The following TMEM132D variants were observed in gnomAD, a reference collection of about 807,000 sequenced individuals.
TMEM132D encodes the protein mature OL transmembrane protein.
TMEM132D carries 21 observed loss-of-function variants against 62.3 expected under a neutral mutation model. That is an observed-to-expected ratio of 0.34 (90% CI 0.24 to 0.49). The LOEUF (loss-of-function observed/expected upper bound fraction) is 0.49. Among genes scored for constraint, TMEM132D ranks in the 20% least tolerant of loss-of-function variants. The probability of loss-of-function intolerance (pLI) is 0.99; values close to 1 mark genes in which losing one functional copy is unlikely to be tolerated. For missense variants in TMEM132D, 1,346 were observed against 1,402.8 expected, an observed-to-expected ratio of 0.96 and a Z score of 0.65; for synonymous variants, 621 against 575.6, an observed-to-expected ratio of 1.08 and a Z score of -1.13.
intron 3 of TMEM132D, among the ~76,000 whole-genome samples, chr12:129,387,522 A>G (rs963079165): frequency 1.3e-5 from 2 of 152,162 alleles, no homozygotes; most frequent in African/African-American, 4.8e-5. Context: ...CAATAACACT[A>G]ACACCAACAC....
intron 4 of TMEM132D, among the ~76,000 whole-genome samples, chr12:129,301,580 C>A (rs892162537): frequency 2.0e-5 from 3 of 152,164 alleles, no homozygotes; most frequent in South Asian, 4.1e-4. Flanking sequence ...GAATATGAGG[C>A]CTTCAGTTTC....
At chr12:129,117,680 T>C (rs556591179) in intron 5 of TMEM132D, among the ~76,000 whole-genome samples, 2 of 152,260 alleles carry the variant, frequency 1.3e-5, no homozygotes, top group South Asian at 4.1e-4. Context: ...AAAAAGACCA[T>C]TTGGCTCTGA....
chr12:129,715,259 G>C (rs1372916079), intron 1 of TMEM132D, among the ~76,000 whole-genome samples: 1 of 152,092 alleles, frequency 6.6e-6, no homozygotes, highest in African/African-American at 2.4e-5. Flanking sequence ...AGCAGGAGGA[G>C]AGAGAAGGGA....
At chr12:129,675,532 A>G (rs1268007272) in intron 2 of TMEM132D, among the ~76,000 whole-genome samples, 1 of 152,212 alleles carries the variant, frequency 6.6e-6, no homozygotes, top group Non-Finnish European at 1.5e-5. Flanking sequence ...CCAGAACTTA[A>G]AATTAAAAAC....
intron 2 of TMEM132D, among the ~76,000 whole-genome samples, chr12:129,542,916 G>A (rs1876622630): frequency 6.6e-6 from 1 of 151,908 alleles, no homozygotes; most frequent in Non-Finnish European, 1.5e-5. Context: ...GGCACATGCT[G>A]TATAGGTTTG....
chr12:129,528,257 A>T lies in TMEM132D; in HGVS notation c.1115+2802T>A, dbSNP rs184258252. On this transcript the variant is annotated intron_variant, in intron 3 of 8. Transcript: ENST00000422113. ...AAACACATCTCATCGCAGTCCATTC[A>T]CTATCTGTAATCACGGAGCATGATT... Among the ~76,000 whole-genome samples, 141 of 152,290 alleles carry T rather than the reference A, an allele frequency of 9.3e-4. 3 individuals carry two copies. The highest frequency in any genetic ancestry group is 3.2e-3 in the African/African-American group (135 of 41,566).
intron 3 of TMEM132D, among the ~76,000 whole-genome samples, chr12:129,432,605 G>A (rs779248313): frequency 4.6e-5 from 7 of 152,286 alleles, no homozygotes; most frequent in South Asian, 2.1e-4. Context: ...CATCTTTGGC[G>A]TGAAATTCAA....
intron 5 of TMEM132D, among the ~76,000 whole-genome samples, chr12:129,119,696 A>C (rs138574453): frequency 6.6e-6 from 1 of 152,248 alleles, no homozygotes; most frequent in East Asian, 1.9e-4. Flanking sequence ...TCATCCAACA[A>C]ATGTCTGATG....
At chr12:129,799,097 TCTA>T (rs1449237837) in intron 1 of TMEM132D, among the ~76,000 whole-genome samples, 1 of 152,058 alleles carries the variant, frequency 6.6e-6, no homozygotes, top group Non-Finnish European at 1.5e-5. Flanking sequence ...AAACCCCGTC[TCTA>T]CTAAATATAC....
chr12:129,753,894 C>T (rs1870079464), intron 1 of TMEM132D, among the ~76,000 whole-genome samples: 1 of 152,186 alleles, frequency 6.6e-6, no homozygotes, highest in Non-Finnish European at 1.5e-5. Context: ...TCGCTTCATT[C>T]CTTTTCCTGA....
chr12:129,684,634 G>A (rs1231596609), intron 2 of TMEM132D, among the ~76,000 whole-genome samples: 1 of 152,014 alleles, frequency 6.6e-6, no homozygotes, highest in Non-Finnish European at 1.5e-5. Flanking sequence ...AATGTTTGGA[G>A]GGCTCAGAAG....
At chr12:129,495,042 T>C (rs1874910088) in intron 3 of TMEM132D, among the ~76,000 whole-genome samples, 1 of 152,184 alleles carries the variant, frequency 6.6e-6, no homozygotes, top group African/African-American at 2.4e-5. Flanking sequence ...AGAGGCTCTC[T>C]GTGCCAGAAA....
intron 2 of TMEM132D, among the ~76,000 whole-genome samples, chr12:129,571,090 C>T (rs1565907545): frequency 6.6e-6 from 1 of 152,154 alleles, no homozygotes; most frequent in African/African-American, 2.4e-5. Context: ...CTGAATGTAG[C>T]CATACGTTAG....
intron 3 of TMEM132D, among the ~76,000 whole-genome samples, chr12:129,459,166 G>A (rs1296964918): frequency 6.6e-6 from 1 of 152,120 alleles, no homozygotes; most frequent in Non-Finnish European, 1.5e-5. Flanking sequence ...TAATGTTCCA[G>A]GATGGCTCAG....
At chr12:129,361,530 TA>T (rs112550239) in intron 3 of TMEM132D, among the ~76,000 whole-genome samples, 24,837 of 152,076 alleles carry the variant, frequency 0.16, 3,295 homozygotes, top group African/African-American at 0.36. Context: ...TCTTGTATCT[TA>T]GTATGAGTTA....
chr12:129,135,799 C>T (rs948040944), intron 5 of TMEM132D, among the ~76,000 whole-genome samples: 1 of 152,078 alleles, frequency 6.6e-6, no homozygotes, highest in Non-Finnish European at 1.5e-5. Context: ...TTTGGTGTTC[C>T]TTGGCTGATA....
At chr12:129,473,240 G>A (rs76021188) in intron 3 of TMEM132D, among the ~76,000 whole-genome samples, 1,618 of 151,824 alleles carry the variant, frequency 0.011, 30 homozygotes, top group East Asian at 0.061. Context: ...CGTCCATGTC[G>A]GGTAAGACCT....
At chr12:129,468,744 A>C (rs1005366338) in intron 3 of TMEM132D, among the ~76,000 whole-genome samples, 1 of 152,204 alleles carries the variant, frequency 6.6e-6, no homozygotes, top group African/African-American at 2.4e-5. Flanking sequence ...ATTTTACACA[A>C]GATACTTTGA....
At chr12:129,875,834 A>C (rs1874401531) in intron 1 of TMEM132D, among the ~76,000 whole-genome samples, 1 of 152,204 alleles carries the variant, frequency 6.6e-6, no homozygotes, top group South Asian at 2.1e-4. Flanking sequence ...TGACAACTCA[A>C]TTAAGAAAAC....
Sources: gnomAD v4.1 joint callset for allele counts (sites outside exome capture counted in the v4.1 genomes callset) on GRCh38, gnomAD v4.1.1 for gene constraint, MANE v1.5 for transcripts, NCBI Gene and HGNC (gene_info 2026-07-23, HGNC 2026-07-21) for gene names.